Variants in WIPF2 observed in about 807,000 individuals in gnomAD.
WIPF2 encodes the protein WAS/WASL-interacting protein family member 2.
In WIPF2, 23 loss-of-function variants were observed where a neutral mutation model predicts 38.8. The observed-to-expected ratio is 0.59, with a 90% CI of 0.43 to 0.84. The LOEUF is 0.84. Ranked by LOEUF, WIPF2 falls within the 40% of genes least tolerant of loss-of-function variation. The pLI, the probability that WIPF2 is intolerant of heterozygous loss-of-function variation, is 0.00. For synonymous variants in WIPF2, 210 were observed against 223.2 expected (o/e 0.94, Z 0.53); for missense variants, 574 against 580.5 (o/e 0.99, Z 0.11).
intron 1 of WIPF2, among the ~76,000 whole-genome samples, chr17:40,232,179 A>ATTTTTTTTTTTTTTTTTTTTTTT (rs752876006): frequency 1.7e-4 from 13 of 76,052 alleles, no homozygotes; most frequent in Non-Finnish European, 1.9e-4. Flanking sequence ...TGCCTGGCTA[A>ATTTTTTTTTTTTTTTTTTTTTTT]TTTTTTTTTT....
intron 4 of WIPF2, among the ~76,000 whole-genome samples, chr17:40,263,184 C>T (rs2031968446): frequency 6.6e-6 from 1 of 152,104 alleles, no homozygotes; most frequent in African/African-American, 2.4e-5. Flanking sequence ...GGACTGGTTT[C>T]ATGGAAGACA....
At chr17:40,231,196 GAGA>G (rs928332437) in intron 1 of WIPF2, among the ~76,000 whole-genome samples, 5 of 152,144 alleles carry the variant, frequency 3.3e-5, no homozygotes, top group African/African-American at 1.2e-4. Flanking sequence ...TAGAATGTAA[GAGA>G]AGAGACTCCT....
rs971661382 is a variant in WIPF2 at position 40,237,877 on chromosome 17, C to A, written c.-70+18385C>A. 6.9e-4 allele frequency among the ~76,000 whole-genome samples: 101 copies of A among 145,582 alleles called. 1 individual carries two copies. Among genetic ancestry groups the A allele is most frequent in the Non-Finnish European group, 3.0e-4 (20 of 66,798 alleles). The stretch of plus-strand genomic sequence containing the variant: ...GTCACGGTGGTCTCAAACTCCTAAC[C>A]CTGTCTCTACTAAAATACCAAAAAA... On this transcript the variant is annotated intron_variant, in intron 1 of 7. Transcript: ENST00000323571.
intron 5 of WIPF2, among the ~76,000 whole-genome samples, chr17:40,271,923 A>T (rs1408537387): frequency 6.6e-6 from 1 of 152,014 alleles, no homozygotes; most frequent in Non-Finnish European, 1.5e-5. Context: ...CATGCTTTTG[A>T]CGTTACCTTC....
chr17:40,244,594 G>A (rs1420606372), intron 1 of WIPF2, among the ~76,000 whole-genome samples: 1 of 152,172 alleles, frequency 6.6e-6, no homozygotes, highest in African/African-American at 2.4e-5. Flanking sequence ...TCTGGTTTGA[G>A]TGTGAAGCTG....
At chr17:40,256,055 CTGTGCTCCAG>C (rs949471802) in intron 1 of WIPF2, among the ~76,000 whole-genome samples, 2 of 146,198 alleles carry the variant, frequency 1.4e-5, no homozygotes, top group Non-Finnish European at 3.0e-5. Flanking sequence ...GATTGCACCA[CTGTGCTCCAG>C]CCTGGGCAAT....
At chr17:40,251,642 A>G (rs556659587) in intron 1 of WIPF2, among the ~76,000 whole-genome samples, 76 of 152,278 alleles carry the variant, frequency 5.0e-4, no homozygotes, top group African/African-American at 1.7e-3. Context: ...CTCCATAGTG[A>G]TTAGTGAAAA....
intron 5 of WIPF2, among the ~76,000 whole-genome samples, chr17:40,272,327 A>G (rs1339073355): frequency 6.6e-6 from 1 of 152,126 alleles, no homozygotes; most frequent in Non-Finnish European, 1.5e-5. Context: ...CATAGGTATG[A>G]ATATTTTCAT....
At chr17:40,224,164 T>C (rs2030373132) in intron 1 of WIPF2, among the ~76,000 whole-genome samples, 1 of 151,772 alleles carries the variant, frequency 6.6e-6, no homozygotes, top group African/African-American at 2.4e-5. Context: ...TGAGATAACA[T>C]ATGGAGGCTC....
chr17:40,242,180 C>G (rs1888372209), intron 1 of WIPF2, among the ~76,000 whole-genome samples: 1 of 152,142 alleles, frequency 6.6e-6, no homozygotes, highest in Non-Finnish European at 1.5e-5. Context: ...GAGTTTGAGA[C>G]TGGCCTGAGC....
At position 40,281,375 on chromosome 17, in the gene WIPF2, C is replaced by G. The variant is rs945818546; in HGVS notation, c.*3150C>G. ...AAATGAGCTAGATGCCCCTCTTCCT[C>G]TTCTCTGGTCACTGAACCTGGACCA... On this transcript the variant is annotated 3_prime_UTR_variant, in exon 8 of 8. Transcript: ENST00000323571. The G allele has an allele frequency of 3.9e-5, 6 of 152,236 alleles. No homozygotes were observed. The highest frequency in any genetic ancestry group is 1.4e-4 in the African/African-American group (6 of 41,450). The allele number at this position is 152,236 out of a possible 1,614,324, so 9.4% of individuals were successfully genotyped here. A position where few individuals can be genotyped will look rare whatever the true frequency, so the allele number is the denominator to read the frequency against.
intron 1 of WIPF2, among the ~76,000 whole-genome samples, chr17:40,238,968 G>A (rs926128066): frequency 6.6e-6 from 1 of 152,056 alleles, no homozygotes; most frequent in Admixed American, 6.6e-5. Flanking sequence ...TCAAACTCCT[G>A]GGCTTAAGTT....
intron 2 of WIPF2, among the ~76,000 whole-genome samples, chr17:40,257,125 C>T (rs772663020): frequency 5.5e-4 from 84 of 152,110 alleles, no homozygotes; most frequent in South Asian, 8.3e-4. Context: ...ATTACAGGCA[C>T]GCGCCACCAC....
intron 5 of WIPF2, among the ~76,000 whole-genome samples, chr17:40,271,071 C>A (rs1301858138): frequency 1.3e-5 from 2 of 152,160 alleles, no homozygotes; most frequent in Non-Finnish European, 2.9e-5. Flanking sequence ...CTCCCAGGTT[C>A]AAGCTCCTCC....
At chr17:40,243,614 A>G (rs547031842) in intron 1 of WIPF2, among the ~76,000 whole-genome samples, 1 of 152,044 alleles carries the variant, frequency 6.6e-6, no homozygotes, top group South Asian at 2.1e-4. Context: ...ACCGGGTTCA[A>G]GCAATTCTCC....
At chr17:40,276,042 A>G (rs2032388831) in intron 6 of WIPF2, among the ~76,000 whole-genome samples, 1 of 152,252 alleles carries the variant, frequency 6.6e-6, no homozygotes, top group Non-Finnish European at 1.5e-5. Context: ...GAGGGGCTGT[A>G]GAAAGTAGTA....
chr17:40,270,088 G>A (rs1335559975), intron 5 of WIPF2, among the ~76,000 whole-genome samples: 2 of 151,826 alleles, frequency 1.3e-5, no homozygotes, highest in African/African-American at 2.4e-5. Flanking sequence ...ATCTGGGGCC[G>A]GGTGCGGTGG....
intron 1 of WIPF2, among the ~76,000 whole-genome samples, chr17:40,242,028 G>A (rs553361234): frequency 6.6e-6 from 1 of 152,296 alleles, no homozygotes; most frequent in East Asian, 1.9e-4. Flanking sequence ...AAATACAGCT[G>A]AGGAGGCCAT....
At chr17:40,220,630 T>C in intron 1 of WIPF2, 1 of 128,010 alleles carries the variant, frequency 7.8e-6, no homozygotes, top group African/African-American at 3.1e-5. Context: ...TATATATATA[T>C]ATTTTTTTGT....
Sources: allele counts gnomAD v4.1 joint callset (sites outside exome capture counted in the v4.1 genomes callset), GRCh38; gene constraint gnomAD v4.1.1; transcripts MANE v1.5; gene names NCBI Gene and HGNC (gene_info 2026-07-23, HGNC 2026-07-21).